Variants in GGA2 observed in about 807,000 individuals in gnomAD.
The protein encoded by GGA2 is ADP-ribosylation factor-binding protein GGA2.
A neutral mutation model predicts 79.5 loss-of-function variants in GGA2; 48 were observed. The observed-to-expected ratio is 0.60, with a 90% CI of 0.48 to 0.77. GGA2 has a LOEUF of 0.77. GGA2 is among the 30% of genes least tolerant of loss of function. The probability of loss-of-function intolerance (pLI) is 0.00; values close to 1 mark genes in which losing one functional copy is unlikely to be tolerated. For synonymous variants in GGA2, 317 were observed against 302.0 expected (o/e 1.05, Z -0.51); for missense variants, 770 against 774.0 (o/e 0.99, Z 0.06).
chr16:23,518,968 AG>A (rs1315336797), intron 2 of GGA2, among the ~76,000 whole-genome samples: 1 of 152,222 alleles, frequency 6.6e-6, no homozygotes, highest in African/African-American at 2.4e-5. Context: ...GCAAAAATAA[AG>A]TAGGATAAAG....
At chr16:23,506,399 T>C (rs1243658869) in intron 1 of GGA2, among the ~76,000 whole-genome samples, 2 of 152,196 alleles carry the variant, frequency 1.3e-5, no homozygotes, top group African/African-American at 2.4e-5. Context: ...CCATGAAGAC[T>C]GCAACCCACA....
intron 1 of GGA2, 111 bp downstream of exon 1, chr16:23,510,210 G>A (rs1258016528): frequency 5.2e-6 from 3 of 572,232 alleles, no homozygotes; most frequent in Non-Finnish European, 7.9e-6. Context: ...CCCCTACCCG[G>A]CCGCCGGCCT....
chr16:23,500,973 C>A, intron 1 of GGA2: 1 of 312,746 alleles, frequency 3.2e-6, no homozygotes, highest in Non-Finnish European at 6.3e-6. Flanking sequence ...CACCATATTG[C>A]TAGATAACAG....
intron 14 of GGA2, among the ~76,000 whole-genome samples, chr16:23,474,356 G>A (rs1964550053): frequency 6.6e-6 from 1 of 151,834 alleles, no homozygotes; most frequent in Non-Finnish European, 1.5e-5. Context: ...AGACAAAGAA[G>A]CAAACTTTTT....
chr16:23,495,546 C>G (rs1046095190), intron 2 of GGA2, 148 bp downstream of exon 2: 1 of 445,648 alleles, frequency 2.2e-6, no homozygotes, highest in South Asian at 6.5e-5. Flanking sequence ...ATCCTCCTGC[C>G]TTGGTCTCCC....
intron 15 of GGA2, 65 bp downstream of exon 15, chr16:23,469,931 C>T (rs879147212): frequency 1.6e-6 from 2 of 1,235,878 alleles, no homozygotes; most frequent in South Asian, 3.7e-5. Context: ...CAGGTAAGTC[C>T]CAGAAAAGAA....
intron 1 of GGA2, among the ~76,000 whole-genome samples, chr16:23,504,155 C>A (rs747382259): frequency 1.1e-4 from 16 of 151,804 alleles, no homozygotes; most frequent in Non-Finnish European, 1.9e-4. Flanking sequence ...CAGGTTGGCA[C>A]GATCATCTAC....
rs1379399772 is a variant in GGA2 at position 23,463,830 on chromosome 16, G to A, written c.*3760C>T. On this transcript the variant is annotated 3_prime_UTR_variant, in exon 17 of 17. Coordinates refer to ENST00000309859, the MANE Select transcript of GGA2 (RefSeq NM_015044.4). Reference sequence around the variant, plus strand: ...AAAAACTGCAACATTAGCTGGGCGTGGCAGCATGCACCTGTAGTCCCAGCT... The same window carrying A: ...AAAAACTGCAACATTAGCTGGGCGTAGCAGCATGCACCTGTAGTCCCAGCT... 1 of 152,206 alleles carries A rather than the reference G, an allele frequency of 6.6e-6. No individual in the cohort carries two copies. Among genetic ancestry groups the A allele is most frequent in the African/African-American group, 2.4e-5 (1 of 41,442 alleles). The allele number at this position is 152,206 out of a possible 1,614,324, so 9.4% of individuals were successfully genotyped here.
chr16:23,489,431 G>A (rs1964755290), intron 5 of GGA2, among the ~76,000 whole-genome samples: 1 of 152,056 alleles, frequency 6.6e-6, no homozygotes, highest in Non-Finnish European at 1.5e-5. Context: ...GTAGAGATGG[G>A]GGTCTCGCTA....
chr16:23,482,829 ACT>A (rs762980783), intron 9 of GGA2, 92 bp downstream of exon 9: 1 of 821,800 alleles, frequency 1.2e-6, no homozygotes, highest in African/African-American at 1.7e-5. Flanking sequence ...CCGAAAGTCC[ACT>A]CTGTCTTGTT....
At chr16:23,495,631 A>C in intron 2 of GGA2, 63 bp downstream of exon 2, 1 of 887,304 alleles carries the variant, frequency 1.1e-6, no homozygotes, top group South Asian at 1.6e-5. Flanking sequence ...CTTGAGAGAC[A>C]AAGGCCTACA....
Position 23,480,645 on chromosome 16 carries a change from C to T in GGA2, c.1006G>A (p.Val336Ile). Residue 336 changes from valine (V) to isoleucine (I), a missense_variant and splice_region_variant, in exon 10 of 17, where the codon GTC (valine) becomes ATC (isoleucine). By Grantham distance (29) the Val-to-Ile change is conservative (BLOSUM62 3). Transcript: ENST00000309859. ...SSLGDIPVSR[V>I]FQNPAGCMKT... is the part of the protein sequence containing the mutation. ...GGCAAGGAGAAGCTTTCAAACATACCTCTGGAGACAGGGATGTCTCCCAAT... is the reference window on the plus strand; with the variant it reads ...GGCAAGGAGAAGCTTTCAAACATACTTCTGGAGACAGGGATGTCTCCCAAT... The T allele has an allele frequency of 6.2e-7, 1 of 1,611,590 alleles. No individual in the cohort carries two copies. The highest frequency in any genetic ancestry group is 8.5e-7 in the Non-Finnish European group (1 of 1,177,950).
Position 23,480,762 on chromosome 16 carries a change from G to C in GGA2, c.889C>G (p.Leu297Val). ...TDDDDALAEI[L>V]QANDLLTQGV... ...TGGGTGAGGAGGTCATTTGCCTGGA[G>C]AATTTCCGCTGAAGAATGAGGGAAG... Residue 297 changes from leucine to valine, a missense_variant, in exon 10 of 17, where the codon CTC becomes GTC. Coordinates refer to ENST00000309859, the MANE Select transcript of GGA2 (RefSeq NM_015044.4). The C allele has an allele frequency of 6.2e-7, 1 of 1,608,504 alleles. No homozygotes were observed. Among genetic ancestry groups the C allele is most frequent in the Non-Finnish European group, 8.5e-7 (1 of 1,175,220 alleles).
Position 23,510,372 on chromosome 16 carries a change from C to T in GGA2, c.40G>A (p.Glu14Lys). ...GGGCCCGGGGGACCCTGGGCCGACT[C>T]GGTTCCCGCCACAGCCGCCGCCACC... ...TAVAAAVAGT[E>K]SAQGPPGPAA... Residue 14 changes from glutamate (E) to lysine (K), a missense_variant, in exon 1 of 17, where the codon GAG becomes AAG. By Grantham distance (56) the Glu-to-Lys change is moderately conservative (BLOSUM62 1). Coordinates refer to ENST00000309859, the MANE Select transcript of GGA2 (RefSeq NM_015044.4). 1 of 1,414,422 alleles carries T rather than the reference C, an allele frequency of 7.1e-7. No homozygotes were observed. Among genetic ancestry groups the T allele is most frequent in the Non-Finnish European group, 9.2e-7 (1 of 1,082,692 alleles). 87.6% of individuals were successfully genotyped at this position (1,414,422 alleles called of 1,614,324 possible).
chr16:23,502,809 T>G (rs1373238083), intron 1 of GGA2, among the ~76,000 whole-genome samples: 1 of 152,226 alleles, frequency 6.6e-6, no homozygotes, highest in African/African-American at 2.4e-5. Context: ...AAAGGAATTT[T>G]CTGGCTTCCA....
rs1964638661 is a variant in GGA2 at position 23,480,842 on chromosome 16, C to T, written c.881-72G>A. On this transcript the variant is annotated intron_variant, in intron 9 of 16. Coordinates refer to ENST00000309859, the MANE Select transcript of GGA2 (RefSeq NM_015044.4). ...AATCTCAGTCTTTTCTAAGCTTTTC[C>T]ATAAAACAGCCTTCATATGGCTAGA... 8 of 1,446,754 alleles carry T rather than the reference C, an allele frequency of 5.5e-6. No individual in the cohort carries two copies. The Admixed American group carries it at 1.4e-4, about 25-fold the overall frequency. The allele number at this position is 1,446,754 out of a possible 1,614,324, so 89.6% of individuals were successfully genotyped here. A position where few individuals can be genotyped will look rare whatever the true frequency, so the allele number is the denominator to read the frequency against.
At position 23,467,461 on chromosome 16, in the gene GGA2, T is replaced by C; in HGVS notation, c.*129A>G. 3.5e-6 allele frequency: 2 copies of C among 577,696 alleles called. No homozygotes were observed. The highest frequency in any genetic ancestry group is 4.8e-5 in the Admixed American group (2 of 42,004). The allele number at this position is 577,696 out of a possible 1,614,324, so 35.8% of individuals were successfully genotyped here. A position where few individuals can be genotyped will look rare whatever the true frequency, so the allele number is the denominator to read the frequency against. On this transcript the variant is annotated 3_prime_UTR_variant, in exon 17 of 17. Transcript: ENST00000309859. ...AGCATCTGCAGAATAAGTCAGAGGTTGACACCCAGAGCCTGACGTCAGGAT... is the reference window on the plus strand; with the variant it reads ...AGCATCTGCAGAATAAGTCAGAGGTCGACACCCAGAGCCTGACGTCAGGAT...
At chr16:23,510,553 G>GCCCCCC (rs36021060), upstream of GGA2, 12 of 381,830 alleles carry the variant, frequency 3.1e-5, no homozygotes, top group South Asian at 1.1e-4. Context: ...CCCACCCCAG[G>GCCCCCC]CCCCCCCTCC....
intron 1 of GGA2, chr16:23,519,671 CAG>C (rs1567374533): frequency 2.5e-6 from 1 of 395,488 alleles, no homozygotes; most frequent in Non-Finnish European, 5.1e-6. Flanking sequence ...AGCAGACACA[CAG>C]AGGGGTGAAT....
Sources: allele counts gnomAD v4.1 joint callset (sites outside exome capture counted in the v4.1 genomes callset), GRCh38; gene constraint gnomAD v4.1.1; transcripts MANE v1.5; gene names NCBI Gene and HGNC (gene_info 2026-07-23, HGNC 2026-07-21).